Variants in DOCK2 observed in about 807,000 individuals in gnomAD.
The protein encoded by DOCK2 is dedicator of cytokinesis protein 2.
DOCK2 carries 87 observed loss-of-function variants against 248.9 expected under a neutral mutation model. That is an observed-to-expected ratio of 0.35 (90% CI 0.29 to 0.42). The LOEUF (loss-of-function observed/expected upper bound fraction) is 0.42, where lower values mean the gene tolerates loss of function less well. Ranked by LOEUF, DOCK2 falls within the 10% of genes least tolerant of loss-of-function variation. DOCK2 has a pLI of 1.00. For synonymous variants in DOCK2, 805 were observed against 821.6 expected (o/e 0.98, Z 0.35); for missense variants, 1,747 against 2,300.2 (o/e 0.76, Z 4.92).
rs57551481 is a variant in DOCK2 at position 169,678,213 on chromosome 5, G to GA, written c.471-3522dup. 2.2e-3 allele frequency among the ~76,000 whole-genome samples: 321 copies of GA among 148,492 alleles called. 2 individuals are homozygous for GA. Among genetic ancestry groups the GA allele is most frequent in the African/African-American group, 7.5e-3 (306 of 40,676 alleles). ...TTTCAAGGGTATACTTAAGACTAAGGAAAAAAAAAGGCTTCTATAGTTTTT... is the reference window on the plus strand; with the variant it reads ...TTTCAAGGGTATACTTAAGACTAAGGAAAAAAAAAAGGCTTCTATAGTTTTT... On this transcript the variant is annotated intron_variant, in intron 6 of 51. Transcript: ENST00000520908.
chr5:169,897,485 G>A (rs953641572), intron 27 of DOCK2, among the ~76,000 whole-genome samples: 5 of 151,986 alleles, frequency 3.3e-5, no homozygotes, highest in African/African-American at 4.8e-5. Context: ...CACCGTACTC[G>A]GCCAGGAATG....
chr5:169,794,852 G>A (rs1268373520), intron 25 of DOCK2, among the ~76,000 whole-genome samples: 1 of 152,246 alleles, frequency 6.6e-6, no homozygotes, highest in Non-Finnish European at 1.5e-5. Context: ...GAACCTGGGA[G>A]GCGAAGCTTG....
intron 29 of DOCK2, among the ~76,000 whole-genome samples, chr5:169,991,162 C>T (rs1247843866): frequency 6.6e-6 from 1 of 152,248 alleles, no homozygotes; most frequent in Non-Finnish European, 1.5e-5. Context: ...GCCTGTAGGA[C>T]TCTGTGTGCA....
At chr5:169,711,567 C>T (rs1449091908) in intron 15 of DOCK2, among the ~76,000 whole-genome samples, 1 of 152,212 alleles carries the variant, frequency 6.6e-6, no homozygotes, top group African/African-American at 2.4e-5. Flanking sequence ...CTGCAATTGC[C>T]AGAACTCCTG....
intron 32 of DOCK2, among the ~76,000 whole-genome samples, chr5:170,010,523 G>A (rs539014840): frequency 2.6e-4 from 40 of 152,328 alleles, no homozygotes; most frequent in Middle Eastern, 3.4e-3. Flanking sequence ...AGAGAAAAAA[G>A]ACAGTCACTG....
At chr5:169,992,533 C>G (rs971047978) in intron 29 of DOCK2, among the ~76,000 whole-genome samples, 1 of 151,700 alleles carries the variant, frequency 6.6e-6, no homozygotes, top group African/African-American at 2.4e-5. Flanking sequence ...GGTGTGATCT[C>G]GGCTCACTGC....
chr5:170,044,055 T>C (rs1756611096), intron 38 of DOCK2, among the ~76,000 whole-genome samples: 1 of 152,248 alleles, frequency 6.6e-6, no homozygotes, highest in Non-Finnish European at 1.5e-5. Context: ...AAGCCACTGC[T>C]ATGGAAGCTC....
chr5:169,748,444 G>C (rs1479664000), intron 23 of DOCK2, among the ~76,000 whole-genome samples: 1 of 152,176 alleles, frequency 6.6e-6, no homozygotes, highest in Non-Finnish European at 1.5e-5. Flanking sequence ...GTGTGACCCA[G>C]GCCAGGGGAT....
chr5:169,709,851 G>T (rs1043637651), intron 15 of DOCK2, among the ~76,000 whole-genome samples: 20 of 152,352 alleles, frequency 1.3e-4, no homozygotes, highest in Admixed American at 8.5e-4. Flanking sequence ...AGATGTAAAT[G>T]TGCTCTGCAG....
chr5:169,833,155 A>G (rs1341742081), intron 26 of DOCK2, among the ~76,000 whole-genome samples: 1 of 152,154 alleles, frequency 6.6e-6, no homozygotes, highest in Admixed American at 6.5e-5. Context: ...AATGGATTGC[A>G]CTGTCACTAT....
At chr5:170,050,630 T>G (rs1380325468) in intron 41 of DOCK2, among the ~76,000 whole-genome samples, 1 of 152,122 alleles carries the variant, frequency 6.6e-6, no homozygotes, top group Non-Finnish European at 1.5e-5. Flanking sequence ...TTGTCTCCCT[T>G]TGGTGCTTTT....
At chr5:169,716,373 A>ACTCATGGCC (rs995982123) in intron 20 of DOCK2, 71 bp downstream of exon 20, 5 of 1,501,396 alleles carry the variant, frequency 3.3e-6, no homozygotes, top group South Asian at 1.1e-5. Context: ...AATACTGAGA[A>ACTCATGGCC]CTCATGGCCC....
chr5:169,943,046 G>C (rs1377568415), intron 27 of DOCK2, among the ~76,000 whole-genome samples: 1 of 152,278 alleles, frequency 6.6e-6, no homozygotes, highest in South Asian at 2.1e-4. Flanking sequence ...GAATGTGTTG[G>C]GCTGGGCTGG....
intron 25 of DOCK2, among the ~76,000 whole-genome samples, chr5:169,775,756 T>C (rs939010740): frequency 2.6e-5 from 4 of 152,076 alleles, no homozygotes; most frequent in African/African-American, 9.7e-5. Context: ...GAAGGCAGGA[T>C]GTCAGCCGAA....
At chr5:169,738,644 G>A (rs150778231) in intron 22 of DOCK2, among the ~76,000 whole-genome samples, 97 of 152,290 alleles carry the variant, frequency 6.4e-4, no homozygotes, top group African/African-American at 2.1e-3. Flanking sequence ...TAAAAAAGAA[G>A]CTAAGTCTTA....
At chr5:169,828,411 AGCTT>A (rs891416631) in intron 26 of DOCK2, among the ~76,000 whole-genome samples, 21 of 152,132 alleles carry the variant, frequency 1.4e-4, no homozygotes, top group African/African-American at 5.1e-4. Context: ...TCGGCCTCCC[AGCTT>A]GGTTTTGGGC....
At chr5:169,684,852 T>A (rs1010426300) in intron 8 of DOCK2, among the ~76,000 whole-genome samples, 8 of 152,190 alleles carry the variant, frequency 5.3e-5, no homozygotes, top group Non-Finnish European at 1.2e-4. Context: ...TCTTGCTGCA[T>A]TGTCCAGTCT....
intron 23 of DOCK2, among the ~76,000 whole-genome samples, chr5:169,749,965 A>G (rs1339004451): frequency 2.0e-5 from 3 of 152,254 alleles, no homozygotes; most frequent in Non-Finnish European, 2.9e-5. Context: ...CTGAGCTTCT[A>G]GTGAGTAGCC....
At chr5:169,866,476 C>T (rs1236617768) in intron 27 of DOCK2, among the ~76,000 whole-genome samples, 2 of 152,220 alleles carry the variant, frequency 1.3e-5, no homozygotes, top group Non-Finnish European at 2.9e-5. Context: ...TGTGCATATA[C>T]AACACGCAGC....
Sources: gnomAD v4.1 joint callset for allele counts (sites outside exome capture counted in the v4.1 genomes callset) on GRCh38, gnomAD v4.1.1 for gene constraint, MANE v1.5 for transcripts, NCBI Gene and HGNC (gene_info 2026-07-23, HGNC 2026-07-21) for gene names.